The following ATP8B4 variants were observed in gnomAD, a reference collection of about 807,000 sequenced individuals.
ATP8B4 encodes the protein ATPase phospholipid transporting 8B4 (putative).
In ATP8B4, 133 loss-of-function variants were observed where a neutral mutation model predicts 145.6. That is an observed-to-expected ratio of 0.91 (90% confidence interval 0.79 to 1.05). The LOEUF (loss-of-function observed/expected upper bound fraction) is 1.05. Among genes scored for constraint, ATP8B4 ranks in the 50% least tolerant of loss-of-function variants. ATP8B4 has a pLI of 0.00. For missense variants in ATP8B4, 1,458 were observed against 1,425.2 expected (o/e 1.02, Z -0.37); for synonymous variants, 507 against 492.9 (o/e 1.03, Z -0.38).
intron 25 of ATP8B4, among the ~76,000 whole-genome samples, chr15:49,872,992 G>A (rs1383828662): frequency 1.3e-5 from 2 of 152,340 alleles, no homozygotes; most frequent in East Asian, 1.9e-4. Flanking sequence ...TGTCTTTGCA[G>A]TATCTGCAAC....
At chr15:50,156,070 A>G (rs1425550321) in intron 1 of ATP8B4, among the ~76,000 whole-genome samples, 1 of 8,068 alleles carries the variant, frequency 1.2e-4, no homozygotes, top group East Asian at 4.5e-3. Flanking sequence ...AAATAAATAA[A>G]TAAATATATA....
chr15:49,995,238 T>C (rs543826473), intron 9 of ATP8B4, among the ~76,000 whole-genome samples: 4 of 152,130 alleles, frequency 2.6e-5, no homozygotes, highest in African/African-American at 9.7e-5. Context: ...AATAGAGGTA[T>C]AAAGGTAAAT....
At chr15:50,142,557 T>C (rs1284159946) in intron 1 of ATP8B4, among the ~76,000 whole-genome samples, 4 of 152,184 alleles carry the variant, frequency 2.6e-5, no homozygotes, top group Non-Finnish European at 4.4e-5. Context: ...AACACGGCTA[T>C]ATTTCATTTT....
chr15:50,080,006 G>C (rs1284882913), intron 2 of ATP8B4, among the ~76,000 whole-genome samples: 1 of 152,182 alleles, frequency 6.6e-6, no homozygotes, highest in East Asian at 1.9e-4. Flanking sequence ...GCCATCCTTT[G>C]TCATTCTAGT....
At chr15:49,928,926 C>G (rs775353500) in intron 16 of ATP8B4, among the ~76,000 whole-genome samples, 66 of 152,020 alleles carry the variant, frequency 4.3e-4, no homozygotes, top group Non-Finnish European at 8.2e-4. Context: ...ATCTATTAGT[C>G]TAGAGAAGTG....
At chr15:50,152,262 G>T (rs956460126) in intron 1 of ATP8B4, among the ~76,000 whole-genome samples, 5 of 152,110 alleles carry the variant, frequency 3.3e-5, no homozygotes, top group African/African-American at 4.8e-5. Flanking sequence ...AACTATGGAT[G>T]ACAAAAACTT....
chr15:49,935,266 G>A (rs1278515582), intron 14 of ATP8B4, among the ~76,000 whole-genome samples: 5 of 152,034 alleles, frequency 3.3e-5, no homozygotes, highest in East Asian at 3.9e-4. Context: ...GGAATATTAC[G>A]TATAATCTTC....
At chr15:50,047,939 G>A (rs961191181) in intron 3 of ATP8B4, among the ~76,000 whole-genome samples, 3 of 152,164 alleles carry the variant, frequency 2.0e-5, no homozygotes, top group Non-Finnish European at 4.4e-5. Flanking sequence ...AAGGCAGCCC[G>A]TCCCCATTTC....
At chr15:50,007,546 G>T (rs540932070) in intron 7 of ATP8B4, among the ~76,000 whole-genome samples, 1 of 152,298 alleles carries the variant, frequency 6.6e-6, no homozygotes, top group South Asian at 2.1e-4. Flanking sequence ...GCTAATGTGA[G>T]GATTAAATGA....
chr15:50,014,494 T>C (rs1003315070), intron 6 of ATP8B4, among the ~76,000 whole-genome samples: 2 of 152,190 alleles, frequency 1.3e-5, no homozygotes, highest in Non-Finnish European at 2.9e-5. Context: ...ATAAGAATTA[T>C]AGCATCCCAT....
chr15:49,983,949 A>G (rs1437480166), intron 10 of ATP8B4, among the ~76,000 whole-genome samples: 1 of 152,362 alleles, frequency 6.6e-6, no homozygotes, highest in African/African-American at 2.4e-5. Flanking sequence ...ACTGAAAATC[A>G]TATGAGTGAA....
intron 6 of ATP8B4, among the ~76,000 whole-genome samples, chr15:50,034,228 G>GTTTT (rs35916300): frequency 3.2e-5 from 4 of 123,702 alleles, no homozygotes; most frequent in South Asian, 5.4e-4. Context: ...TCCTTTCCTT[G>GTTTT]TTTTTTTTTT....
rs755491944 is a variant in ATP8B4, at chr15:50,159,580, G to A, written c.-43+22681C>T. On this transcript the variant is annotated intron_variant, in intron 1 of 3. Transcript: ENST00000558829. ...CCTTGTCTTGTTCAACATCTCAGAG[G>A]AAAGGCTTTCAGTTTTTTCCCCACT... 1.7e-4 allele frequency among the ~76,000 whole-genome samples: 26 copies of A among 152,282 alleles called. 1 individual carries two copies. The highest frequency in any genetic ancestry group is 3.7e-4 in the Non-Finnish European group (25 of 68,022).
At position 49,920,385 on chromosome 15, in the gene ATP8B4, G is replaced by A; in HGVS notation, c.1784C>T (p.Thr595Ile). The A allele has an allele frequency of 6.2e-7, 1 of 1,613,858 alleles. No individual in the cohort carries two copies. Among genetic ancestry groups the A allele is most frequent in the Non-Finnish European group, 8.5e-7 (1 of 1,179,930 alleles). Residue 595 changes from threonine to isoleucine, a missense_variant, in exon 18 of 28, where the codon ACC becomes ATC. Thr to Ile is a moderately conservative substitution (Grantham distance 89, BLOSUM62 -1). Coordinates refer to ENST00000284509, the MANE Select transcript of ATP8B4 (RefSeq NM_024837.4). ...LSEFAGEGLRTLAIAYRDLDD... is the reference protein window; with the variant it reads ...LSEFAGEGLRILAIAYRDLDD... ...CAGGTCTCTGTATGCGATGGCCAAG[G>A]TCCGAAGGCCTTCCCCTGCAAATTC... is the stretch of plus-strand genomic sequence containing the variant.
chr15:50,010,728 T>C lies in ATP8B4; in HGVS notation c.435+117A>G, dbSNP rs190431229. The C allele has an allele frequency of 1.7e-3, 1,069 of 611,704 alleles. 2 individuals carry two copies. Among genetic ancestry groups the C allele is most frequent in the Non-Finnish European group, 2.5e-3 (936 of 378,262 alleles). The allele number at this position is 611,704 out of a possible 1,614,324, so 37.9% of individuals were successfully genotyped here. A position where few individuals can be genotyped will look rare whatever the true frequency, so the allele number is the denominator to read the frequency against. ...ATAATTGAGACTTTTTACTAATACA[T>C]ACTGATGATAATTATTCTGGATTAG... On this transcript the variant is annotated intron_variant, in intron 7 of 27. Transcript: ENST00000284509.
intron 1 of ATP8B4, among the ~76,000 whole-genome samples, chr15:50,142,308 A>G (rs1202743426): frequency 6.6e-6 from 1 of 152,158 alleles, no homozygotes; most frequent in Non-Finnish European, 1.5e-5. Flanking sequence ...TTGCAATATA[A>G]TATACATACA....
intron 14 of ATP8B4, among the ~76,000 whole-genome samples, chr15:49,934,931 C>T (rs570623623): frequency 2.6e-5 from 4 of 152,166 alleles, no homozygotes; most frequent in Admixed American, 1.3e-4. Context: ...TTAACTTTTG[C>T]AATTGATTCT....
At chr15:50,019,171 A>T (rs1053128206) in intron 6 of ATP8B4, among the ~76,000 whole-genome samples, 7 of 152,224 alleles carry the variant, frequency 4.6e-5, no homozygotes, top group African/African-American at 1.7e-4. Flanking sequence ...ATTGGAATTT[A>T]AATTTTACAC....
intron 5 of ATP8B4, among the ~76,000 whole-genome samples, chr15:50,040,464 G>C (rs1018997058): frequency 2.6e-5 from 4 of 152,140 alleles, no homozygotes; most frequent in Non-Finnish European, 5.9e-5. Context: ...CCCAATTTCA[G>C]GATAACCTCT....
Sources: allele counts gnomAD v4.1 joint callset (sites outside exome capture counted in the v4.1 genomes callset), GRCh38; gene constraint gnomAD v4.1.1; transcripts MANE v1.5; gene names NCBI Gene and HGNC (gene_info 2026-07-23, HGNC 2026-07-21).